The following NRXN3 variants were observed in gnomAD, a reference collection of about 807,000 sequenced individuals.
NRXN3 encodes the protein neurexin 3, also known as neurexin III.
A neutral mutation model predicts 137.6 loss-of-function variants in NRXN3; 32 were observed. That is an observed-to-expected ratio of 0.23 (90% confidence interval 0.18 to 0.31). The LOEUF is 0.31. Among genes scored for constraint, NRXN3 ranks in the 10% least tolerant of loss-of-function variants. NRXN3 has a pLI of 1.00. For synonymous variants in NRXN3, 798 were observed against 784.5 expected (o/e 1.02, Z -0.29); for missense variants, 1,574 against 2,062.5 (o/e 0.76, Z 4.59).
At chr14:78,272,809 A>G (rs2072998024) in intron 2 of NRXN3, among the ~76,000 whole-genome samples, 1 of 152,106 alleles carries the variant, frequency 6.6e-6, no homozygotes, top group African/African-American at 2.4e-5. Flanking sequence ...CTTATCTGTA[A>G]AATAGGATGA....
chr14:79,129,957 T>G (rs1177828726), intron 15 of NRXN3, among the ~76,000 whole-genome samples: 1 of 150,990 alleles, frequency 6.6e-6, no homozygotes, highest in Non-Finnish European at 1.5e-5. Flanking sequence ...TCTTTTGATT[T>G]TTGTTGGTTT....
At chr14:78,439,243 C>A (rs1453687509) in intron 4 of NRXN3, among the ~76,000 whole-genome samples, 2 of 152,010 alleles carry the variant, frequency 1.3e-5, no homozygotes, top group East Asian at 1.9e-4. Flanking sequence ...ACCAGGGTAC[C>A]TCTTTCTTTG....
intron 8 of NRXN3, among the ~76,000 whole-genome samples, chr14:78,796,593 A>G (rs2098822676): frequency 6.6e-6 from 1 of 152,176 alleles, no homozygotes; most frequent in African/African-American, 2.4e-5. Context: ...AGAATCAGGG[A>G]ATGAGAAAGC....
chr14:78,490,771 A>T (rs1009320892), intron 4 of NRXN3, among the ~76,000 whole-genome samples: 1 of 152,230 alleles, frequency 6.6e-6, no homozygotes, highest in African/African-American at 2.4e-5. Context: ...GCCACCCTAT[A>T]AGGTGGGTAC....
At chr14:78,400,130 G>A (rs2091911876) in intron 4 of NRXN3, among the ~76,000 whole-genome samples, 1 of 152,156 alleles carries the variant, frequency 6.6e-6, no homozygotes, top group Non-Finnish European at 1.5e-5. Flanking sequence ...GAAAGGGGAT[G>A]ATGCAGCCAT....
intron 4 of NRXN3, among the ~76,000 whole-genome samples, chr14:78,333,705 G>A (rs74316352): frequency 0.044 from 6,715 of 152,274 alleles, 205 homozygotes; most frequent in Non-Finnish European, 0.06. Flanking sequence ...AGGAATTAGA[G>A]TGGGAAGTGG....
intron 15 of NRXN3, among the ~76,000 whole-genome samples, chr14:79,409,995 T>C (rs2095391143): frequency 6.6e-6 from 1 of 151,960 alleles, no homozygotes; most frequent in East Asian, 1.9e-4. Context: ...TTATCATAAA[T>C]TTTAACTCTA....
Position 78,836,540 on chromosome 14 carries a change from C to T in NRXN3, c.2275+26196C>T, listed in dbSNP as rs779792284. 2.0e-5 allele frequency among the ~76,000 whole-genome samples: 3 copies of T among 152,110 alleles called. No individual in the cohort carries two copies. The South Asian group carries it at 6.2e-4, about 32-fold the overall frequency. Reference sequence around the variant, plus strand: ...CATGTGCAGTAATTCTGATGTAGCTCGTCTGTGGACCACAACTCAGGAACC... The same window carrying T: ...CATGTGCAGTAATTCTGATGTAGCTTGTCTGTGGACCACAACTCAGGAACC... On this transcript the variant is annotated intron_variant, in intron 10 of 20. Coordinates refer to ENST00000335750, the MANE Select transcript of NRXN3 (RefSeq NM_001330195.2).
intron 16 of NRXN3, among the ~76,000 whole-genome samples, chr14:79,504,783 C>T (rs113374728): frequency 6.6e-6 from 1 of 150,714 alleles, no homozygotes; most frequent in African/African-American, 2.4e-5. Context: ...GGTATGAAAC[C>T]CACTTCTCCC....
intron 15 of NRXN3, among the ~76,000 whole-genome samples, chr14:79,112,946 A>G (rs1306699059): frequency 6.6e-6 from 1 of 152,194 alleles, no homozygotes; most frequent in Non-Finnish European, 1.5e-5. Context: ...ACCTGGAGAG[A>G]ATGGACATTG....
intron 16 of NRXN3, among the ~76,000 whole-genome samples, chr14:79,502,029 A>G (rs567946814): frequency 1.2e-4 from 18 of 152,368 alleles, no homozygotes; most frequent in African/African-American, 4.3e-4. Context: ...GGAGATCCTT[A>G]GAAAAGAAGT....
intron 4 of NRXN3, among the ~76,000 whole-genome samples, chr14:78,541,398 G>C (rs2096588311): frequency 6.6e-6 from 1 of 151,988 alleles, no homozygotes; most frequent in Admixed American, 6.6e-5. Context: ...TCTTCCACTT[G>C]ATTGAATCAG....
At chr14:79,385,907 C>T (rs754294707) in intron 15 of NRXN3, among the ~76,000 whole-genome samples, 1 of 152,060 alleles carries the variant, frequency 6.6e-6, no homozygotes, top group Admixed American at 6.5e-5. Context: ...ATTCAACAGC[C>T]CTTCATGCTA....
chr14:78,524,518 C>T (rs896661526), intron 4 of NRXN3, among the ~76,000 whole-genome samples: 9 of 152,180 alleles, frequency 5.9e-5, no homozygotes, highest in African/African-American at 2.2e-4. Flanking sequence ...CTAAGCTCCA[C>T]CTAAGACCGA....
chr14:79,499,423 T>C (rs558290568), intron 16 of NRXN3, among the ~76,000 whole-genome samples: 1 of 152,314 alleles, frequency 6.6e-6, no homozygotes, highest in Non-Finnish European at 1.5e-5. Flanking sequence ...ATCTTTTTGA[T>C]CATCATAACT....
In NRXN3 at chr14:79,168,093, G is replaced by A. The variant is rs2061443647; in HGVS notation, c.3262+179952G>A. On this transcript the variant is annotated intron_variant, in intron 15 of 20. Transcript: ENST00000335750. ...AGCTAGGCCTTGTGAGTCTCTGACT[G>A]TAAGGTCACCCTCCTTATCTCACCA... Among the ~76,000 whole-genome samples, 4 of 152,100 alleles carry A rather than the reference G, an allele frequency of 2.6e-5. No individual in the cohort carries two copies. In the South Asian group the frequency reaches 8.3e-4, roughly 32 times the overall value.
At chr14:79,034,108 A>T (rs1459815368) in intron 15 of NRXN3, among the ~76,000 whole-genome samples, 1 of 152,070 alleles carries the variant, frequency 6.6e-6, no homozygotes, top group East Asian at 1.9e-4. Context: ...AAAATGACTG[A>T]TTCCTGGAGC....
At chr14:79,076,151 A>G (rs1322811733) in intron 15 of NRXN3, among the ~76,000 whole-genome samples, 1 of 152,176 alleles carries the variant, frequency 6.6e-6, no homozygotes, top group Non-Finnish European at 1.5e-5. Context: ...GCTGTTGCCT[A>G]ATCTGTCACC....
chr14:79,272,216 G>GTTTTTTTTTTTTTTTTTTTTTTTTTT, intron 15 of NRXN3, among the ~76,000 whole-genome samples: 1 of 132,600 alleles, frequency 7.5e-6, no homozygotes. Context: ...TTTGGTTTAG[G>GTTTTTTTTTTTTTTTTTTTTTTTTTT]TTTTTTTTTT....
Sources: gnomAD v4.1 joint callset for allele counts (sites outside exome capture counted in the v4.1 genomes callset) on GRCh38, gnomAD v4.1.1 for gene constraint, MANE v1.5 for transcripts, NCBI Gene and HGNC (gene_info 2026-07-23, HGNC 2026-07-21) for gene names.